The following TSHZ2 variants were observed in gnomAD, a reference collection of about 807,000 sequenced individuals.
The protein encoded by TSHZ2 is teashirt zinc finger homeobox 2, also known as teashirt homolog 2.
TSHZ2 carries 21 observed loss-of-function variants against 74.4 expected under a neutral mutation model. The ratio of observed to expected loss-of-function variants is 0.28; its 90% CI spans 0.20 to 0.41. The LOEUF (loss-of-function observed/expected upper bound fraction) is 0.41. Among genes scored for constraint, TSHZ2 ranks in the 10% least tolerant of loss-of-function variants. The pLI, the probability that TSHZ2 is intolerant of heterozygous loss-of-function variation, is 1.00. For missense variants in TSHZ2, 1,244 were observed against 1,293.5 expected, an observed-to-expected ratio of 0.96 and a Z score of 0.59; for synonymous variants, 540 against 515.3, an observed-to-expected ratio of 1.05 and a Z score of -0.65.
chr20:53,106,646 C>T (rs1413935698), intron 1 of TSHZ2, among the ~76,000 whole-genome samples: 1 of 150,868 alleles, frequency 6.6e-6, no homozygotes. Context: ...CCTCATGATC[C>T]GCCGGCCTCC....
chr20:53,182,473 C>T (rs762842284), intron 1 of TSHZ2, among the ~76,000 whole-genome samples: 12 of 152,280 alleles, frequency 7.9e-5, no homozygotes, highest in African/African-American at 2.2e-4. Flanking sequence ...ACGAGGTGGG[C>T]GGGGTTTGCC....
chr20:53,280,831 T>C (rs987609442), intron 2 of TSHZ2, among the ~76,000 whole-genome samples: 3 of 152,102 alleles, frequency 2.0e-5, no homozygotes, highest in Non-Finnish European at 4.4e-5. Flanking sequence ...TAGCTGGGAC[T>C]AGAGGTGCGT....
intron 2 of TSHZ2, among the ~76,000 whole-genome samples, chr20:53,376,645 A>C (rs1030445077): frequency 2.6e-5 from 4 of 152,174 alleles, no homozygotes; most frequent in Non-Finnish European, 5.9e-5. Flanking sequence ...TTCTCCACTC[A>C]TATCTGGTAT....
chr20:53,098,049 T>A (rs1346686380), intron 1 of TSHZ2: 2 of 152,222 alleles, frequency 1.3e-5, no homozygotes, highest in Non-Finnish European at 1.5e-5. Flanking sequence ...TGAGGTTTCT[T>A]GTGATCAGTG....
intron 1 of TSHZ2, among the ~76,000 whole-genome samples, chr20:53,068,336 T>C (rs960401191): frequency 2.5e-4 from 38 of 152,142 alleles, no homozygotes; most frequent in African/African-American, 9.2e-4. Flanking sequence ...GGCTTCAAGT[T>C]TTGTTGTTGT....
chr20:53,209,728 C>A (rs761061760), intron 1 of TSHZ2, among the ~76,000 whole-genome samples: 28 of 152,132 alleles, frequency 1.8e-4, no homozygotes, highest in Non-Finnish European at 1.9e-4. Flanking sequence ...TGGAGCCGAG[C>A]TGAACTGAAA....
chr20:53,115,860 G>T (rs1351546125), intron 1 of TSHZ2, among the ~76,000 whole-genome samples: 1 of 151,966 alleles, frequency 6.6e-6, no homozygotes, highest in Non-Finnish European at 1.5e-5. Context: ...AGGATTTGGG[G>T]GATTAAAATT....
intron 1 of TSHZ2, among the ~76,000 whole-genome samples, chr20:53,054,046 C>T (rs1050457381): frequency 6.6e-6 from 1 of 152,158 alleles, no homozygotes; most frequent in African/African-American, 2.4e-5. Flanking sequence ...AACATATTTC[C>T]TTGCTCTGGA....
At chr20:53,480,189 C>T (rs544371267) in intron 2 of TSHZ2, among the ~76,000 whole-genome samples, 69 of 151,830 alleles carry the variant, frequency 4.5e-4, no homozygotes, top group African/African-American at 1.6e-3. Context: ...CTGCCCCAGC[C>T]TCCTGAGTAG....
At chr20:53,285,590 A>G (rs1353231116) in intron 2 of TSHZ2, among the ~76,000 whole-genome samples, 1 of 152,088 alleles carries the variant, frequency 6.6e-6, no homozygotes, top group African/African-American at 2.4e-5. Flanking sequence ...CCTGCCTATA[A>G]TTCCAGCTAC....
At chr20:53,248,410 G>T (rs1990255259) in intron 1 of TSHZ2, among the ~76,000 whole-genome samples, 1 of 152,028 alleles carries the variant, frequency 6.6e-6, no homozygotes. Context: ...TCTCTAAGAA[G>T]AAAATAAAAT....
intron 1 of TSHZ2, among the ~76,000 whole-genome samples, chr20:53,228,512 T>C (rs1256232471): frequency 6.6e-6 from 1 of 152,094 alleles, no homozygotes; most frequent in Non-Finnish European, 1.5e-5. Context: ...AGATTCGGGG[T>C]CCGGTAATTC....
At chr20:53,079,471 T>A (rs1600679736) in intron 1 of TSHZ2, among the ~76,000 whole-genome samples, 1 of 152,208 alleles carries the variant, frequency 6.6e-6, no homozygotes, top group East Asian at 1.9e-4. Flanking sequence ...ATCGCTGCTA[T>A]GTTTAAGGCA....
At chr20:53,430,829 G>A (rs545472149) in intron 2 of TSHZ2, among the ~76,000 whole-genome samples, 4 of 152,182 alleles carry the variant, frequency 2.6e-5, no homozygotes, top group African/African-American at 4.8e-5. Flanking sequence ...CGTGGTCTCG[G>A]CTCACTACCT....
At chr20:53,313,607 T>A (rs1978877473) in intron 2 of TSHZ2, among the ~76,000 whole-genome samples, 2 of 152,218 alleles carry the variant, frequency 1.3e-5, no homozygotes. Context: ...TCTTTAAATT[T>A]GTCTCGTCTA....
At chr20:53,204,103 GAT>G (rs377134718) in intron 1 of TSHZ2, among the ~76,000 whole-genome samples, 13 of 1,344 alleles carry the variant, frequency 9.7e-3, no homozygotes, top group Admixed American at 0.019. Flanking sequence ...ATGATGATAT[GAT>G]ATACTATATC....
intron 2 of TSHZ2, among the ~76,000 whole-genome samples, chr20:53,484,447 G>A (rs890387696): frequency 2.0e-5 from 3 of 147,950 alleles, no homozygotes; most frequent in African/African-American, 5.0e-5. Context: ...ATGCAGTGGT[G>A]CGATCTTGGC....
chr20:53,454,568 A>G (rs1189726405), intron 2 of TSHZ2, among the ~76,000 whole-genome samples: 3 of 151,994 alleles, frequency 2.0e-5, no homozygotes, highest in African/African-American at 7.2e-5. Context: ...TCTCAAAAAA[A>G]AAAAAAAAGT....
intron 2 of TSHZ2, among the ~76,000 whole-genome samples, chr20:53,391,631 T>G (rs538124488): frequency 6.6e-6 from 1 of 152,324 alleles, no homozygotes; most frequent in Non-Finnish European, 1.5e-5. Flanking sequence ...CTTCTGAATA[T>G]TTAAGCAATG....
Sources: allele counts gnomAD v4.1 joint callset (sites outside exome capture counted in the v4.1 genomes callset), GRCh38; gene constraint gnomAD v4.1.1; transcripts MANE v1.5; gene names NCBI Gene and HGNC (gene_info 2026-07-23, HGNC 2026-07-21).